Variants in UBE2V2 observed in about 807,000 individuals in gnomAD.
The protein encoded by UBE2V2 is ubiquitin conjugating enzyme E2 V2.
A neutral mutation model predicts 17.2 loss-of-function variants in UBE2V2; 9 were observed. That is an observed-to-expected ratio of 0.52 (90% CI 0.32 to 0.91). The LOEUF (loss-of-function observed/expected upper bound fraction) is 0.91, where lower values mean the gene tolerates loss of function less well. Among genes scored for constraint, UBE2V2 ranks in the 40% least tolerant of loss-of-function variants. The pLI is 0.04. For missense variants in UBE2V2, 133 were observed against 182.6 expected (o/e 0.73, Z 1.56); for synonymous variants, 61 against 57.5 (o/e 1.06, Z -0.28).
chr8:48,035,333 C>G (rs541980934), intron 1 of UBE2V2, among the ~76,000 whole-genome samples: 7 of 151,776 alleles, frequency 4.6e-5, no homozygotes, highest in Non-Finnish European at 8.8e-5. Context: ...ATTGGACAGG[C>G]TGGTCACAAA....
chr8:47,998,169 T>C, the UBE2V2 span, among the ~76,000 whole-genome samples: 1 of 151,946 alleles, frequency 6.6e-6, no homozygotes, highest in African/African-American at 2.4e-5. Flanking sequence ...TGTATTGAGG[T>C]CACGCGGTAT....
intron 3 of UBE2V2, among the ~76,000 whole-genome samples, chr8:48,056,695 C>G (rs1180849480): frequency 1.3e-5 from 2 of 151,362 alleles, no homozygotes; most frequent in Non-Finnish European, 1.5e-5. Flanking sequence ...CCTGGCCTGC[C>G]TTTCTGGACT....
chr8:48,028,558 G>A (rs898304576), intron 1 of UBE2V2, among the ~76,000 whole-genome samples: 9 of 151,788 alleles, frequency 5.9e-5, no homozygotes, highest in Non-Finnish European at 1.0e-4. Flanking sequence ...GGCTAATCTC[G>A]AACTCCTGAC....
At chr8:47,999,609 C>T in the UBE2V2 span, among the ~76,000 whole-genome samples, 2 of 152,118 alleles carry the variant, frequency 1.3e-5, no homozygotes, top group Non-Finnish European at 2.9e-5. Context: ...ATCTGCATGC[C>T]TCGGCCTCCC....
intron 2 of UBE2V2, among the ~76,000 whole-genome samples, chr8:48,044,297 C>A (rs989618042): frequency 6.6e-6 from 1 of 152,044 alleles, no homozygotes; most frequent in Non-Finnish European, 1.5e-5. Flanking sequence ...AGGTGGTGTG[C>A]ACCACCACTG....
intron 1 of UBE2V2, among the ~76,000 whole-genome samples, chr8:48,020,088 G>A (rs1589851930): frequency 6.6e-6 from 1 of 150,386 alleles, no homozygotes. Flanking sequence ...ATCTAGGCTA[G>A]AGTGCAGTGG....
chr8:48,032,001 C>T (rs1196720440), intron 1 of UBE2V2, among the ~76,000 whole-genome samples: 2 of 151,856 alleles, frequency 1.3e-5, no homozygotes, highest in East Asian at 1.9e-4. Flanking sequence ...TTGAAATATC[C>T]GAAGTGGATA....
intron 2 of UBE2V2, chr8:48,049,625 A>G: frequency 3.2e-6 from 1 of 317,010 alleles, no homozygotes; most frequent in Non-Finnish European, 5.7e-6. Flanking sequence ...TTAATTTTGT[A>G]AAATCTCATG....
At chr8:48,006,820 CA>C (rs2091185979), upstream of UBE2V2, among the ~76,000 whole-genome samples, 2 of 152,240 alleles carry the variant, frequency 1.3e-5, no homozygotes, top group South Asian at 4.1e-4. Context: ...ACGACAAACC[CA>C]CAGCCAATAT....
chr8:48,018,793 A>G (rs2091285787), intron 1 of UBE2V2, among the ~76,000 whole-genome samples: 1 of 152,150 alleles, frequency 6.6e-6, no homozygotes, highest in Non-Finnish European at 1.5e-5. Context: ...TATCTTTCAG[A>G]TCTATTAATA....
chr8:48,001,116 C>G, the UBE2V2 span, among the ~76,000 whole-genome samples: 35 of 152,260 alleles, frequency 2.3e-4, 1 homozygote, highest in Middle Eastern at 6.8e-3. Context: ...ACTCTGGACA[C>G]TATTTTCCCA....
chr8:48,024,611 A>T (rs917631752), intron 1 of UBE2V2, among the ~76,000 whole-genome samples: 4 of 151,630 alleles, frequency 2.6e-5, no homozygotes, highest in Non-Finnish European at 5.9e-5. Flanking sequence ...AAAAAAAAAG[A>T]GATTCTTAAA....
intron 1 of UBE2V2, among the ~76,000 whole-genome samples, chr8:48,010,278 C>G: frequency 6.6e-6 from 1 of 150,918 alleles, no homozygotes; most frequent in Non-Finnish European, 1.5e-5. Context: ...GCTGCATTGC[C>G]CAGGCTGGAG....
intron 1 of UBE2V2, among the ~76,000 whole-genome samples, chr8:48,034,543 T>C (rs749895326): frequency 6.6e-6 from 1 of 152,142 alleles, no homozygotes; most frequent in African/African-American, 2.4e-5. Flanking sequence ...GATCAAAATA[T>C]ATGTGCTGCT....
chr8:48,029,101 G>A (rs2091366376), intron 1 of UBE2V2, among the ~76,000 whole-genome samples: 2 of 152,002 alleles, frequency 1.3e-5, no homozygotes, highest in Admixed American at 6.6e-5. Context: ...GCCAAGGTAG[G>A]CAGATCACTT....
chr8:48,047,245 C>G (rs1247065172), intron 2 of UBE2V2, among the ~76,000 whole-genome samples: 2 of 151,968 alleles, frequency 1.3e-5, no homozygotes, highest in African/African-American at 2.4e-5. Context: ...CCAGCCAGAT[C>G]CCTCATTTTT....
chr8:48,051,658 C>G (rs2091539474), intron 3 of UBE2V2, among the ~76,000 whole-genome samples: 1 of 152,080 alleles, frequency 6.6e-6, no homozygotes, highest in African/African-American at 2.4e-5. Context: ...GCTCAATTTC[C>G]CCTTCATATA....
intron 1 of UBE2V2, 81 bp downstream of exon 1, chr8:48,008,551 G>T (rs2154506520): frequency 8.7e-6 from 13 of 1,493,614 alleles, no homozygotes; most frequent in South Asian, 1.3e-5. Flanking sequence ...CCCGAGCGCT[G>T]ACCGTGCGGG....
At chr8:48,058,814 G>A (rs1227447248) in intron 3 of UBE2V2, among the ~76,000 whole-genome samples, 3 of 151,658 alleles carry the variant, frequency 2.0e-5, no homozygotes, top group Admixed American at 1.3e-4. Context: ...AGATGATCAT[G>A]GTTTTTGTTC....
Sources: gnomAD v4.1 joint callset for allele counts (sites outside exome capture counted in the v4.1 genomes callset) on GRCh38, gnomAD v4.1.1 for gene constraint, MANE v1.5 for transcripts, NCBI Gene and HGNC (gene_info 2026-07-23, HGNC 2026-07-21) for gene names.